Variants in CCDC198 observed in about 807,000 individuals in gnomAD.
CCDC198 encodes factor associated with metabolism and energy.
CCDC198 carries 18 observed loss-of-function variants against 35.6 expected under a neutral mutation model. The observed-to-expected ratio is 0.51, with a 90% CI of 0.35 to 0.75. The LOEUF is 0.75. CCDC198 is among the 30% of genes least tolerant of loss of function. The pLI, the probability that CCDC198 is intolerant of heterozygous loss-of-function variation, is 0.01. For missense variants in CCDC198, 365 were observed against 343.7 expected (o/e 1.06, Z -0.49); for synonymous variants, 119 against 113.4 (o/e 1.05, Z -0.31).
intron 5 of CCDC198, among the ~76,000 whole-genome samples, chr14:57,477,770 T>C (rs1054563675): frequency 6.6e-6 from 1 of 152,154 alleles, no homozygotes; most frequent in African/African-American, 2.4e-5. Context: ...TGATCTCGGC[T>C]CACTGCAACC....
chr14:57,482,282 AT>A (rs2067213996), intron 3 of CCDC198, among the ~76,000 whole-genome samples: 1 of 152,174 alleles, frequency 6.6e-6, no homozygotes, highest in Admixed American at 6.5e-5. Flanking sequence ...TTCATTTGTC[AT>A]TTGCTGTTGC....
At chr14:57,471,745 CA>C in intron 5 of CCDC198, among the ~76,000 whole-genome samples, 155 bp from the exon 6 acceptor site, 1 of 132,590 alleles carries the variant, frequency 7.5e-6, no homozygotes, top group East Asian at 2.2e-4. Flanking sequence ...TATATATATA[CA>C]TTTCAACTGG....
At position 57,480,948 on chromosome 14, in the gene CCDC198, G is replaced by A. The variant is rs572811063; in HGVS notation, c.496-194C>T. On this transcript the variant is annotated intron_variant, in intron 4 of 5. Coordinates refer to ENST00000216445, the MANE Select transcript of CCDC198 (RefSeq NM_018168.4). The stretch of plus-strand genomic sequence containing the variant: ...TATTGACAGGCTTGTTAAGAGAAAG[G>A]TGAGTGCACCCAGTCTCAAAAAGGT... 2.0e-5 allele frequency among the ~76,000 whole-genome samples: 3 copies of A among 152,326 alleles called. 1 individual carries two copies. The highest frequency in any genetic ancestry group is 4.8e-5 in the African/African-American group (2 of 41,578).
chr14:57,479,142 C>A, intron 5 of CCDC198: 1 of 784,540 alleles, frequency 1.3e-6, no homozygotes. Context: ...AGAGCATAAA[C>A]AATTTGGCCT....
intron 3 of CCDC198, among the ~76,000 whole-genome samples, chr14:57,482,005 G>A (rs1372657340): frequency 6.6e-6 from 1 of 152,152 alleles, no homozygotes; most frequent in Non-Finnish European, 1.5e-5. Context: ...GTTCTGGTTT[G>A]AGGAAACCTT....
intron 2 of CCDC198, among the ~76,000 whole-genome samples, chr14:57,490,030 A>G (rs1185582854): frequency 6.6e-6 from 1 of 152,168 alleles, no homozygotes; most frequent in Non-Finnish European, 1.5e-5. Context: ...AGACAAAATG[A>G]TACAATCACT....
chr14:57,475,027 C>T (rs957508143), intron 5 of CCDC198, among the ~76,000 whole-genome samples: 4 of 152,042 alleles, frequency 2.6e-5, no homozygotes, highest in African/African-American at 7.2e-5. Context: ...TTTGGGAGGC[C>T]GAGGCGGGCG....
chr14:57,488,425 G>A (rs1459923618), intron 2 of CCDC198, among the ~76,000 whole-genome samples: 1 of 152,148 alleles, frequency 6.6e-6, no homozygotes, highest in Non-Finnish European at 1.5e-5. Flanking sequence ...TTACAGGTCT[G>A]CAGTAGCAGG....
At chr14:57,490,418 G>C (rs765605956) in intron 2 of CCDC198, among the ~76,000 whole-genome samples, 23 of 152,072 alleles carry the variant, frequency 1.5e-4, no homozygotes, top group Non-Finnish European at 2.8e-4. Flanking sequence ...TTAACATCTA[G>C]AACAATAAAA....
chr14:57,491,251 C>T (rs2067558318), intron 1 of CCDC198, among the ~76,000 whole-genome samples, 180 bp from the exon 2 acceptor site: 1 of 152,198 alleles, frequency 6.6e-6, no homozygotes, highest in Admixed American at 6.6e-5. Flanking sequence ...CATTAGTGCA[C>T]ATGACACTAT....
intron 3 of CCDC198, 46 bp from the exon 4 acceptor site, chr14:57,481,706 ACT>A (rs2067194512): frequency 8.3e-7 from 1 of 1,201,446 alleles, no homozygotes; most frequent in Non-Finnish European, 1.2e-6. Context: ...TTTGTTACTG[ACT>A]CTGCAATTCA....
intron 2 of CCDC198, among the ~76,000 whole-genome samples, chr14:57,487,647 T>C (rs746385288): frequency 1.3e-5 from 2 of 152,192 alleles, no homozygotes; most frequent in African/African-American, 2.4e-5. Flanking sequence ...CGCTAGTTCA[T>C]GACTTGCTCT....
intron 2 of CCDC198, among the ~76,000 whole-genome samples, chr14:57,488,564 A>C (rs1438737465): frequency 6.6e-6 from 1 of 152,110 alleles, no homozygotes; most frequent in African/African-American, 2.4e-5. Flanking sequence ...TGAAGACATA[A>C]GATTGAATAA....
intron 5 of CCDC198, 91 bp downstream of exon 5, chr14:57,480,504 G>A: frequency 2.1e-6 from 3 of 1,445,300 alleles, no homozygotes; most frequent in Non-Finnish European, 1.9e-6. Context: ...GCTGTTTGCT[G>A]TCTTCTCATC....
chr14:57,493,602 A>G lies in CCDC198; in HGVS notation c.114T>C (p.Asn38=). 1 of 1,613,926 alleles carries G rather than the reference A, an allele frequency of 6.2e-7. No homozygotes were observed. The highest frequency in any genetic ancestry group is 1.1e-5 in the South Asian group (1 of 91,078). ...GTGAATATGAAGTCTTTTCTTCCAAATTCTGATTGAATGCAAAGTCCACAC... is the reference window on the plus strand; with the variant it reads ...GTGAATATGAAGTCTTTTCTTCCAAGTTCTGATTGAATGCAAAGTCCACAC... The part of the protein sequence containing the change: ...AGRVDFAFNQ[N]LEEKTSYSLA... Residue 38 remains asparagine, a synonymous_variant, in exon 1 of 6, where the codon AAT becomes AAC. Coordinates refer to ENST00000216445, the MANE Select transcript of CCDC198 (RefSeq NM_018168.4).
chr14:57,481,756 A>G (rs969035962), intron 3 of CCDC198, 96 bp from the exon 4 acceptor site: 2 of 768,106 alleles, frequency 2.6e-6, no homozygotes, highest in African/African-American at 1.7e-5. Context: ...TCAGATCTTA[A>G]TCAGTCATAA....
In CCDC198 at chr14:57,480,586, A is replaced by G; in HGVS notation, c.655+9T>C. Reference sequence around the variant, plus strand: ...GAAATGTTTTACTAAAAAATTGTACATGACTCACCGGGACCTCTGTTCAAG... The same window carrying G: ...GAAATGTTTTACTAAAAAATTGTACGTGACTCACCGGGACCTCTGTTCAAG... On this transcript the variant is annotated intron_variant, in intron 5 of 5. Transcript: ENST00000216445. The G allele has an allele frequency of 8.1e-6, 13 of 1,612,224 alleles. No homozygotes were observed. Among genetic ancestry groups the G allele is most frequent in the Non-Finnish European group, 1.1e-5 (13 of 1,179,500 alleles).
intron 5 of CCDC198, among the ~76,000 whole-genome samples, chr14:57,472,384 C>T (rs1240031718): frequency 6.6e-6 from 1 of 152,100 alleles, no homozygotes; most frequent in African/African-American, 2.4e-5. Flanking sequence ...GAATCCAGGT[C>T]AATTATTTTG....
chr14:57,478,530 T>C, intron 5 of CCDC198: 4 of 986,802 alleles, frequency 4.1e-6, no homozygotes, highest in Non-Finnish European at 4.8e-6. Flanking sequence ...CCTTTCTCCA[T>C]GTGCCAGTTT....
Sources: allele counts gnomAD v4.1 joint callset (sites outside exome capture counted in the v4.1 genomes callset), GRCh38; gene constraint gnomAD v4.1.1; transcripts MANE v1.5; gene names NCBI Gene and HGNC (gene_info 2026-07-23, HGNC 2026-07-21).